The following PAPPA2 variants were observed in gnomAD, a reference collection of about 807,000 sequenced individuals.
PAPPA2 encodes pappalysin-2.
A neutral mutation model predicts 176.4 loss-of-function variants in PAPPA2; 86 were observed. The ratio of observed to expected loss-of-function variants is 0.49; its 90% confidence interval spans 0.41 to 0.58. The LOEUF is 0.58. Among genes scored for constraint, PAPPA2 ranks in the 20% least tolerant of loss-of-function variants. The pLI, the probability that PAPPA2 is intolerant of heterozygous loss-of-function variation, is 0.00. For synonymous variants in PAPPA2, 809 were observed against 852.2 expected (o/e 0.95, Z 0.88); for missense variants, 2,073 against 2,256.9 (o/e 0.92, Z 1.65).
At chr1:176,616,331 AT>A in intron 3 of PAPPA2, 1 of 555,772 alleles carries the variant, frequency 1.8e-6, no homozygotes, top group East Asian at 4.5e-5. Flanking sequence ...GCATTTTAGG[AT>A]GATACTTCTC....
chr1:176,691,654 G>T (rs564278079), intron 5 of PAPPA2, among the ~76,000 whole-genome samples: 1 of 152,322 alleles, frequency 6.6e-6, no homozygotes, highest in Admixed American at 6.5e-5. Context: ...CAAAAGTGAG[G>T]CTGAGACCAC....
chr1:176,625,030 G>A (rs1463179201), intron 3 of PAPPA2, among the ~76,000 whole-genome samples: 3 of 152,178 alleles, frequency 2.0e-5, no homozygotes, highest in Non-Finnish European at 2.9e-5. Flanking sequence ...CATTGTGGGC[G>A]ATTATTCAGA....
intron 1 of PAPPA2, among the ~76,000 whole-genome samples, chr1:176,481,636 A>G (rs923993016): frequency 6.6e-6 from 1 of 152,220 alleles, no homozygotes; most frequent in African/African-American, 2.4e-5. Context: ...TTTGGGGCTA[A>G]GATAAAAATC....
At chr1:176,709,890 C>A in intron 10 of PAPPA2, 93 bp from the exon 11 acceptor site, 1 of 1,173,080 alleles carries the variant, frequency 8.5e-7, no homozygotes, top group South Asian at 1.5e-5. Flanking sequence ...CTTCAGTGGG[C>A]TGGAGAAGAA....
chr1:176,542,480 G>A (rs1235857064), intron 1 of PAPPA2, among the ~76,000 whole-genome samples: 1 of 152,184 alleles, frequency 6.6e-6, no homozygotes, highest in Non-Finnish European at 1.5e-5. Context: ...CTTTGTTACA[G>A]GCTGTCAGAC....
At chr1:176,695,707 A>C (rs1660343128) in intron 6 of PAPPA2, 31 bp from the exon 7 acceptor site, 2 of 1,612,334 alleles carry the variant, frequency 1.2e-6, no homozygotes, top group Non-Finnish European at 1.7e-6. Flanking sequence ...GACTCTCCTC[A>C]TCTCCCATCT....
intron 1 of PAPPA2, among the ~76,000 whole-genome samples, chr1:176,474,436 G>A (rs1192604112): frequency 6.6e-6 from 1 of 152,232 alleles, no homozygotes; most frequent in Non-Finnish European, 1.5e-5. Flanking sequence ...CTAACGGCAA[G>A]AGGGCAGGGA....
chr1:176,492,581 C>T (rs1447973578), intron 1 of PAPPA2, among the ~76,000 whole-genome samples: 2 of 152,162 alleles, frequency 1.3e-5, no homozygotes, highest in East Asian at 3.8e-4. Flanking sequence ...GCTCTGCCTA[C>T]ACACTACATA....
rs542338820 is a variant in PAPPA2, at chr1:176,507,095, AAAAT to A, written c.-917+43684_-917+43687del. On this transcript the variant is annotated intron_variant, in intron 1 of 22. Coordinates refer to ENST00000367662, the MANE Select transcript of PAPPA2 (RefSeq NM_020318.3). ...GGGAATTTAAACAAATCAACAAGCA[AAAAT>A]AAATAACCCCATTAAAAAAAGGGCA... 1.4e-4 allele frequency among the ~76,000 whole-genome samples: 22 copies of A among 152,290 alleles called. 2 individuals are homozygous for A. In the South Asian group the frequency reaches 4.6e-3, roughly 32 times the overall value.
intron 2 of PAPPA2, among the ~76,000 whole-genome samples, chr1:176,569,801 T>C (rs1402412554): frequency 6.6e-6 from 1 of 152,232 alleles, no homozygotes; most frequent in Non-Finnish European, 1.5e-5. Flanking sequence ...TAATTCTATT[T>C]GGAAGTAGGC....
At chr1:176,769,834 G>A (rs780008790) in intron 16 of PAPPA2, 50 bp downstream of exon 16, 18 of 1,508,682 alleles carry the variant, frequency 1.2e-5, no homozygotes, top group African/African-American at 7.0e-5. Flanking sequence ...GCCATCCCTC[G>A]CTCTTGAGGG....
intron 21 of PAPPA2, among the ~76,000 whole-genome samples, chr1:176,810,031 C>T (rs1666079952): frequency 6.6e-6 from 1 of 150,382 alleles, no homozygotes; most frequent in South Asian, 2.1e-4. Flanking sequence ...CCCTGTGAAG[C>T]ACCCCTGTAG....
At chr1:176,630,721 G>A (rs1656291723) in intron 3 of PAPPA2, among the ~76,000 whole-genome samples, 1 of 152,180 alleles carries the variant, frequency 6.6e-6, no homozygotes, top group Admixed American at 6.5e-5. Flanking sequence ...GGGTCTGATA[G>A]GGGAGGTGAC....
rs1330023095 is a variant in PAPPA2 at position 176,623,597 on chromosome 1, TCC to T, written c.1991+28003_1991+28004del. Among the ~76,000 whole-genome samples, 525 of 144,760 alleles carry T rather than the reference TCC, an allele frequency of 3.6e-3. 6 individuals are homozygous for T. Among genetic ancestry groups the T allele is most frequent in the African/African-American group, 0.012 (474 of 39,188 alleles). The allele number at this position is 144,760 out of a possible 152,430, so 95.0% of individuals were successfully genotyped here. On this transcript the variant is annotated intron_variant, in intron 3 of 22. Coordinates refer to ENST00000367662, the MANE Select transcript of PAPPA2 (RefSeq NM_020318.3). ...TTCCCTCCTTCCTTCCTTCCTTCCT[TCC>T]TTCCTTCCTTCCTTCCTTCCTTCCT...
chr1:176,767,405 T>A (rs1467943978), intron 15 of PAPPA2, among the ~76,000 whole-genome samples: 5 of 152,154 alleles, frequency 3.3e-5, no homozygotes, highest in Non-Finnish European at 7.4e-5. Context: ...AATGGCACGA[T>A]CTCAGCTCAC....
chr1:176,479,928 T>C (rs1337693034), intron 1 of PAPPA2, among the ~76,000 whole-genome samples: 2 of 152,216 alleles, frequency 1.3e-5, no homozygotes, highest in Admixed American at 1.3e-4. Flanking sequence ...AGAATTATAT[T>C]CACAAGCTTG....
rs750800670 is a variant in PAPPA2 at position 176,595,528 on chromosome 1, G to A, written c.1924G>A (p.Gly642Arg). The change falls in exon 3 of 23, where the codon GGA becomes AGA. Residue 642 changes from glycine (G) to arginine (R), a missense_variant. Around this residue, in one of 4 missense-constraint regions of PAPPA2, gnomAD observed 1,196 missense variants for 1,330.4 expected, o/e 0.90. Coordinates refer to ENST00000367662, the MANE Select transcript of PAPPA2 (RefSeq NM_020318.3). ...CAACATGCTGAACGACTTTGACGAC[G>A]GAGACTGCTGCGACCCCCAGGTGGC... ...CNNMLNDFDDGDCCDPQVADV... is the reference protein window; with the variant it reads ...CNNMLNDFDDRDCCDPQVADV... 6 of 1,614,018 alleles carry A rather than the reference G, an allele frequency of 3.7e-6. No individual in the cohort carries two copies. The highest frequency in any genetic ancestry group is 1.7e-5 in the Admixed American group (1 of 60,010).
chr1:176,629,807 G>A (rs1331234822), intron 3 of PAPPA2, among the ~76,000 whole-genome samples: 1 of 152,150 alleles, frequency 6.6e-6, no homozygotes, highest in Non-Finnish European at 1.5e-5. Flanking sequence ...TTATGTGATA[G>A]GTGTGACAAC....
In PAPPA2 at chr1:176,692,275, A is replaced by G. The variant is rs754561816; in HGVS notation, c.2581A>G (p.Thr861Ala). ...MVIGQTNKSL[T>A]IHWLPPISGV... Reference sequence around the variant, plus strand: ...CATCGGACAGACCAACAAGTCCCTCACTATCCACTGGCTGCCTCCTATTAG... The same window carrying G: ...CATCGGACAGACCAACAAGTCCCTCGCTATCCACTGGCTGCCTCCTATTAG... Residue 861 changes from threonine to alanine, a missense_variant, in exon 6 of 23, where the codon ACT (threonine) becomes GCT (alanine). Coordinates refer to ENST00000367662, the MANE Select transcript of PAPPA2 (RefSeq NM_020318.3). 2.5e-6 allele frequency: 4 copies of G among 1,613,788 alleles called. No individual in the cohort carries two copies. In the Admixed American group the frequency reaches 6.7e-5, roughly 27 times the overall value.
Sources: allele counts gnomAD v4.1 joint callset (sites outside exome capture counted in the v4.1 genomes callset), GRCh38; gene constraint gnomAD v4.1.1; regional missense constraint gnomAD v4.1.1; transcripts MANE v1.5; gene names NCBI Gene and HGNC (gene_info 2026-07-23, HGNC 2026-07-21).